The following SNX19 variants were observed in gnomAD, a reference collection of about 807,000 sequenced individuals.
The protein encoded by SNX19 is sorting nexin 19.
SNX19 carries 60 observed loss-of-function variants against 85.2 expected under a neutral mutation model. The ratio of observed to expected loss-of-function variants is 0.70; its 90% confidence interval spans 0.57 to 0.87. The LOEUF (loss-of-function observed/expected upper bound fraction) is 0.87, where lower values mean the gene tolerates loss of function less well. Ranked by LOEUF, SNX19 falls within the 40% of genes least tolerant of loss-of-function variation. SNX19 has a pLI of 0.00. For synonymous variants in SNX19, 520 were observed against 470.0 expected (o/e 1.11, Z -1.38); for missense variants, 1,201 against 1,217.8 (o/e 0.99, Z 0.21).
chr11:130,878,200 C>T lies in SNX19; in HGVS notation c.*222G>A. On this transcript the variant is annotated 3_prime_UTR_variant, in exon 11 of 11. Transcript: ENST00000265909. ...AGGATCTACTCACCAGCAACAATCC[C>T]AACATCACAAAAGGAACAGGGAAAT... 1 of 401,426 alleles carries T rather than the reference C, an allele frequency of 2.5e-6. No individual in the cohort carries two copies. The highest frequency in any genetic ancestry group is 7.0e-5 in the South Asian group (1 of 14,216). 24.9% of individuals were successfully genotyped at this position (401,426 alleles called of 1,614,324 possible).
At chr11:130,907,755 A>G (rs1295194833) in intron 5 of SNX19, among the ~76,000 whole-genome samples, 198 bp downstream of exon 5, 2 of 152,202 alleles carry the variant, frequency 1.3e-5, no homozygotes, top group Admixed American at 1.3e-4. Context: ...CCAAACATTC[A>G]GCAGTGCTGC....
intron 4 of SNX19, among the ~76,000 whole-genome samples, chr11:130,909,764 C>T (rs1441490511): frequency 6.6e-6 from 1 of 152,174 alleles, no homozygotes; most frequent in Non-Finnish European, 1.5e-5. Flanking sequence ...ATGATACCCC[C>T]AGGAGATATG....
chr11:130,899,597 C>T (rs1945123978), intron 8 of SNX19, among the ~76,000 whole-genome samples: 1 of 152,160 alleles, frequency 6.6e-6, no homozygotes, highest in Non-Finnish European at 1.5e-5. Context: ...CAGATGTGGT[C>T]CTATTTTCAT....
intron 8 of SNX19, among the ~76,000 whole-genome samples, chr11:130,899,648 TATTCTTAG>T (rs1945127347): frequency 6.6e-6 from 1 of 152,210 alleles, no homozygotes; most frequent in Non-Finnish European, 1.5e-5. Flanking sequence ...GATAAAGTTG[TATTCTTAG>T]ATATAAGAAC....
chr11:130,902,686 T>C (rs1248557767), intron 8 of SNX19, among the ~76,000 whole-genome samples: 1 of 152,184 alleles, frequency 6.6e-6, no homozygotes, highest in Non-Finnish European at 1.5e-5. Flanking sequence ...TACAAATCTT[T>C]CAGGAGATCA....
chr11:130,895,065 G>T (rs1320836344), intron 8 of SNX19: 3 of 985,406 alleles, frequency 3.0e-6, no homozygotes, highest in Non-Finnish European at 3.6e-6. Context: ...GAAAGAGGTG[G>T]AGAAAGTACA....
chr11:130,883,165 T>C (rs1190667289), intron 8 of SNX19, among the ~76,000 whole-genome samples: 2 of 152,190 alleles, frequency 1.3e-5, no homozygotes, highest in Non-Finnish European at 2.9e-5. Context: ...TATAAACTTA[T>C]ACAAATCTAT....
intron 8 of SNX19, among the ~76,000 whole-genome samples, chr11:130,897,948 G>A (rs1433922860): frequency 6.6e-6 from 1 of 152,164 alleles, no homozygotes; most frequent in African/African-American, 2.4e-5. Flanking sequence ...CAGCACAGAA[G>A]CTGACACATG....
intron 8 of SNX19, among the ~76,000 whole-genome samples, chr11:130,883,214 G>T (rs1314963121): frequency 6.6e-6 from 1 of 152,184 alleles, no homozygotes; most frequent in Non-Finnish European, 1.5e-5. Context: ...ATGTTGGGGA[G>T]AGACATAAAA....
intron 8 of SNX19, among the ~76,000 whole-genome samples, chr11:130,890,633 T>A (rs1056919929): frequency 6.6e-6 from 1 of 152,148 alleles, no homozygotes; most frequent in Admixed American, 6.5e-5. Context: ...GTACCACAAA[T>A]ACACTATATT....
In SNX19 at chr11:130,911,768, C is replaced by T. The variant is rs775758010; in HGVS notation, c.1678G>A (p.Glu560Lys). Residue 560 changes from glutamate (E) to lysine (K), a missense_variant, in exon 2 of 11, where the codon GAG becomes AAG. By Grantham distance (56) the Glu-to-Lys change is moderately conservative. Around this residue, in one of 3 missense-constraint regions of SNX19, gnomAD observed 791 missense variants for 750.9 expected, o/e 1.05. Transcript: ENST00000265909. ...HPYTLYTVKY[E>K]TALDGENSSG... is the part of the protein sequence containing the mutation. ...CTGTTTTCACCGTCAAGGGCTGTCT[C>T]GTACTGTTCAACGAACAAATTGATT... 2.6e-5 allele frequency: 42 copies of T among 1,613,810 alleles called. No individual in the cohort carries two copies. The African/African-American group carries it at 2.9e-4, about 11-fold the overall frequency.
intron 8 of SNX19, among the ~76,000 whole-genome samples, chr11:130,889,823 T>C (rs1944373916): frequency 6.6e-6 from 1 of 152,178 alleles, no homozygotes; most frequent in South Asian, 2.1e-4. Context: ...TAATCATACG[T>C]CATGGCACAG....
chr11:130,872,085 C>T lies in SNX19; in HGVS notation c.*6337G>A, dbSNP rs1943049324. Among the ~76,000 whole-genome samples, 1 of 152,138 alleles carries T rather than the reference C, an allele frequency of 6.6e-6. No individual in the cohort carries two copies. The stretch of plus-strand genomic sequence containing the variant: ...TGTGCTGGGGGCTTTCACGGAAGCG[C>T]TTGCAGGTAAGGCTTGGAGAAGTGA... On this transcript the variant is annotated 3_prime_UTR_variant, in exon 11 of 11. Transcript: ENST00000265909.
At position 130,874,879 on chromosome 11, in the gene SNX19, G is replaced by T. The variant is rs1196139670; in HGVS notation, c.*3543C>A. 1.3e-5 allele frequency among the ~76,000 whole-genome samples: 2 copies of T among 152,234 alleles called. No individual in the cohort carries two copies. Among genetic ancestry groups the T allele is most frequent in the Non-Finnish European group, 2.9e-5 (2 of 68,040 alleles). Reference sequence around the variant, plus strand: ...ACAAAACATTACAAGTGTTGGAGAGGATGTGGAGAAACTGGAACCCTTGTA... The same window carrying T: ...ACAAAACATTACAAGTGTTGGAGAGTATGTGGAGAAACTGGAACCCTTGTA... On this transcript the variant is annotated 3_prime_UTR_variant, in exon 11 of 11. Transcript: ENST00000265909.
intron 7 of SNX19, 23 bp from the exon 8 acceptor site, chr11:130,903,407 G>T: frequency 1.2e-6 from 2 of 1,610,946 alleles, no homozygotes; most frequent in Non-Finnish European, 1.7e-6. Context: ...ATGGCATCAG[G>T]AGTAACTCAG....
In SNX19 at chr11:130,903,338, C is replaced by A. The variant is rs772258243; in HGVS notation, c.2490G>T (p.Leu830Phe). Residue 830 changes from leucine (L) to phenylalanine (F), a missense_variant, in exon 8 of 11, where the codon TTG becomes TTT. Leu to Phe is a conservative substitution (Grantham distance 22). Coordinates refer to ENST00000265909, the MANE Select transcript of SNX19 (RefSeq NM_014758.3). ...GCCATTTCCACTGTTCTGTTAGTAG[C>A]AAGAGGAGCAGATCCAGGGCTGTGT... is the stretch of plus-strand genomic sequence containing the variant. ...LADTALDLLL[L>F]LLTEQWKWLC... The A allele has an allele frequency of 6.2e-7, 1 of 1,613,336 alleles. No individual in the cohort carries two copies. Among genetic ancestry groups the A allele is most frequent in the African/African-American group, 1.3e-5 (1 of 74,878 alleles).
chr11:130,889,737 T>C (rs1333282134), intron 8 of SNX19, among the ~76,000 whole-genome samples: 1 of 152,188 alleles, frequency 6.6e-6, no homozygotes, highest in Non-Finnish European at 1.5e-5. Flanking sequence ...ACTGGGTTGA[T>C]GGTCTGCTGA....
intron 8 of SNX19, among the ~76,000 whole-genome samples, chr11:130,889,502 T>C (rs1944344864): frequency 7.0e-6 from 1 of 142,532 alleles, no homozygotes; most frequent in South Asian, 2.5e-4. Context: ...ATCAAATATT[T>C]ACTGAATGAA....
At position 130,903,467 on chromosome 11, in the gene SNX19, G is replaced by C. The variant is rs550586893; in HGVS notation, c.2444-83C>G. 84 of 1,463,690 alleles carry C rather than the reference G, an allele frequency of 5.7e-5. No individual in the cohort carries two copies. In the African/African-American group the frequency reaches 9.6e-4, roughly 17 times the overall value. 90.7% of individuals were successfully genotyped at this position (1,463,690 alleles called of 1,614,324 possible). A position where few individuals can be genotyped will look rare whatever the true frequency, so the allele number is the denominator to read the frequency against. On this transcript the variant is annotated intron_variant, in intron 7 of 10. Coordinates refer to ENST00000265909, the MANE Select transcript of SNX19 (RefSeq NM_014758.3). ...CTTTCAAGGTACTGGTGGCACCTGT[G>C]TCTCTCTACCTTCATGCCAATCATC...
Sources: gnomAD v4.1 joint callset for allele counts (sites outside exome capture counted in the v4.1 genomes callset) on GRCh38, gnomAD v4.1.1 for gene constraint, gnomAD v4.1.1 regional missense constraint, MANE v1.5 for transcripts, NCBI Gene and HGNC (gene_info 2026-07-23, HGNC 2026-07-21) for gene names.